Variants in ZNF277 observed in about 807,000 individuals in gnomAD.
ZNF277 encodes the protein zinc finger protein 277.
ZNF277 carries 55 observed loss-of-function variants against 60.7 expected under a neutral mutation model. The ratio of observed to expected loss-of-function variants is 0.91; its 90% CI spans 0.73 to 1.13. The LOEUF (loss-of-function observed/expected upper bound fraction) is 1.13, where lower values mean the gene tolerates loss of function less well. Ranked by LOEUF, ZNF277 falls within the 50% of genes most tolerant of loss-of-function variation. ZNF277 has a pLI of 0.00. For synonymous variants in ZNF277, 178 were observed against 179.3 expected, an observed-to-expected ratio of 0.99 and a Z score of 0.06; for missense variants, 510 against 523.0, an observed-to-expected ratio of 0.98 and a Z score of 0.24.
chr7:112,283,491 C>G (rs533634321), intron 1 of ZNF277, among the ~76,000 whole-genome samples: 2 of 152,316 alleles, frequency 1.3e-5, no homozygotes, highest in Admixed American at 1.3e-4. Flanking sequence ...CCCCTGCACT[C>G]TAGCCTGGGC....
At chr7:112,249,710 A>G (rs1019663747) in intron 1 of ZNF277, among the ~76,000 whole-genome samples, 1 of 152,204 alleles carries the variant, frequency 6.6e-6, no homozygotes, top group African/African-American at 2.4e-5. Flanking sequence ...CCAAATTAAT[A>G]CTTTTGTAAT....
At chr7:112,301,645 C>G (rs1206550881) in intron 4 of ZNF277, among the ~76,000 whole-genome samples, 4 of 152,166 alleles carry the variant, frequency 2.6e-5, no homozygotes, top group African/African-American at 9.7e-5. Flanking sequence ...CAAGGCATTG[C>G]TCAACTGCCA....
At chr7:112,277,077 A>ATTTTTTTTT (rs59902516) in intron 1 of ZNF277, among the ~76,000 whole-genome samples, 7 of 104,480 alleles carry the variant, frequency 6.7e-5, no homozygotes, top group Admixed American at 2.3e-4. Flanking sequence ...GAATCTGTTG[A>ATTTTTTTTT]TTTTTTTTTT....
At chr7:112,278,914 C>G (rs551420719) in intron 1 of ZNF277, among the ~76,000 whole-genome samples, 1 of 152,228 alleles carries the variant, frequency 6.6e-6, no homozygotes, top group South Asian at 2.1e-4. Context: ...CCCACTTTCC[C>G]CAGCCCTGGC....
chr7:112,300,564 G>A (rs1792451190), intron 4 of ZNF277, among the ~76,000 whole-genome samples: 1 of 152,090 alleles, frequency 6.6e-6, no homozygotes, highest in African/African-American at 2.4e-5. Flanking sequence ...TAGGCCTATG[G>A]CTTAAATGTT....
intron 1 of ZNF277, among the ~76,000 whole-genome samples, chr7:112,229,053 T>C (rs543231825): frequency 6.6e-6 from 1 of 152,362 alleles, no homozygotes; most frequent in African/African-American, 2.4e-5. Flanking sequence ...TGTATTTATA[T>C]CATTCAAATA....
intron 1 of ZNF277, among the ~76,000 whole-genome samples, chr7:112,242,857 C>G (rs969615846): frequency 3.9e-5 from 6 of 151,946 alleles, no homozygotes; most frequent in African/African-American, 1.4e-4. Flanking sequence ...GCCTGAATAG[C>G]CAAAGCAATC....
chr7:112,278,966 A>G (rs990784228), intron 1 of ZNF277, among the ~76,000 whole-genome samples: 5 of 152,060 alleles, frequency 3.3e-5, no homozygotes, highest in African/African-American at 1.2e-4. Context: ...TTGACTACAT[A>G]CCTCATATAA....
At chr7:112,290,035 A>G (rs546480745) in intron 2 of ZNF277, among the ~76,000 whole-genome samples, 1 of 152,268 alleles carries the variant, frequency 6.6e-6, no homozygotes, top group East Asian at 1.9e-4. Flanking sequence ...CATGTTGCCC[A>G]GGCTGGTCTA....
chr7:112,316,658 T>C (rs1487224404), intron 4 of ZNF277, among the ~76,000 whole-genome samples: 1 of 152,078 alleles, frequency 6.6e-6, no homozygotes, highest in African/African-American at 2.4e-5. Context: ...CTGAATGGTA[T>C]TGCCTAGGTT....
rs2116953257 is a variant in ZNF277, at chr7:112,215,882, T to C, written c.91+9075T>C. On this transcript the variant is annotated intron_variant, in intron 1 of 11. Coordinates refer to ENST00000361822, the MANE Select transcript of ZNF277 (RefSeq NM_021994.3). Reference sequence around the variant, plus strand: ...ATCGTGGTTATTTAACACAGTCTTCTGTTATGTAATAAGCTGCTATTCACC... The same window carrying C: ...ATCGTGGTTATTTAACACAGTCTTCCGTTATGTAATAAGCTGCTATTCACC... 1.3e-5 allele frequency among the ~76,000 whole-genome samples: 2 copies of C among 152,368 alleles called. 1 individual carries two copies. The highest frequency in any genetic ancestry group is 4.1e-4 in the South Asian group (2 of 4,832).
chr7:112,293,629 G>A (rs903622298), intron 2 of ZNF277, among the ~76,000 whole-genome samples: 4 of 151,390 alleles, frequency 2.6e-5, no homozygotes, highest in East Asian at 1.9e-4. Flanking sequence ...GTCTGTTCAC[G>A]AGGATCCAAG....
chr7:112,242,979 T>C (rs572542854), intron 1 of ZNF277, among the ~76,000 whole-genome samples: 1 of 152,174 alleles, frequency 6.6e-6, no homozygotes, highest in Admixed American at 6.5e-5. Context: ...AATAGACACA[T>C]AGATCAATAG....
intron 4 of ZNF277, among the ~76,000 whole-genome samples, chr7:112,304,014 A>G (rs10234996): frequency 0.059 from 8,998 of 152,152 alleles, 720 homozygotes; most frequent in African/African-American, 0.18. Flanking sequence ...GGGGGTGTAT[A>G]TCATCATCCA....
At chr7:112,242,465 A>G (rs1443910937) in intron 1 of ZNF277, among the ~76,000 whole-genome samples, 3 of 151,808 alleles carry the variant, frequency 2.0e-5, no homozygotes, top group Non-Finnish European at 4.4e-5. Flanking sequence ...CAGGATGTTA[A>G]GTAACGTACA....
At chr7:112,235,788 T>G (rs1563199805) in intron 1 of ZNF277, among the ~76,000 whole-genome samples, 1 of 151,994 alleles carries the variant, frequency 6.6e-6, no homozygotes, top group Non-Finnish European at 1.5e-5. Context: ...ATATCAAATG[T>G]GTCTATTTTT....
At chr7:112,253,116 G>A (rs1259360603) in intron 1 of ZNF277, among the ~76,000 whole-genome samples, 2 of 152,128 alleles carry the variant, frequency 1.3e-5, no homozygotes, top group Non-Finnish European at 2.9e-5. Context: ...CAAAGAGGAG[G>A]TTGTAATGGA....
intron 1 of ZNF277, among the ~76,000 whole-genome samples, chr7:112,245,725 CTG>C (rs1355819954): frequency 1.3e-5 from 2 of 152,138 alleles, no homozygotes; most frequent in Admixed American, 1.3e-4. Flanking sequence ...GTGTGTGTCT[CTG>C]TGTCCAAATT....
intron 9 of ZNF277, among the ~76,000 whole-genome samples, chr7:112,338,476 T>G (rs1052183149): frequency 4.6e-5 from 7 of 152,122 alleles, no homozygotes; most frequent in Non-Finnish European, 1.0e-4. Flanking sequence ...TCACAGCTTG[T>G]GGGCAGAGGG....
Sources: gnomAD v4.1 joint callset for allele counts (sites outside exome capture counted in the v4.1 genomes callset) on GRCh38, gnomAD v4.1.1 for gene constraint, MANE v1.5 for transcripts, NCBI Gene and HGNC (gene_info 2026-07-23, HGNC 2026-07-21) for gene names.